The following CHST11 variants were observed in gnomAD, a reference collection of about 807,000 sequenced individuals.
CHST11 encodes the protein C4S-1.
CHST11 carries 9 observed loss-of-function variants against 30.4 expected under a neutral mutation model. The observed-to-expected ratio is 0.30, with a 90% CI of 0.18 to 0.52. The LOEUF is 0.52. Among genes scored for constraint, CHST11 ranks in the 20% least tolerant of loss-of-function variants. The pLI, the probability that CHST11 is intolerant of heterozygous loss-of-function variation, is 0.97. For missense variants in CHST11, 348 were observed against 460.6 expected (o/e 0.76, Z 2.24); for synonymous variants, 152 against 187.8 (o/e 0.81, Z 1.56).
At chr12:104,647,393 A>G (rs918372072) in intron 2 of CHST11, among the ~76,000 whole-genome samples, 3 of 152,184 alleles carry the variant, frequency 2.0e-5, no homozygotes, top group South Asian at 2.1e-4. Context: ...TTTTAGCTAT[A>G]TTTTTTTCAA....
chr12:104,558,575 GT>G (rs2038482170), intron 1 of CHST11, among the ~76,000 whole-genome samples: 1 of 100,530 alleles, frequency 9.9e-6, no homozygotes, highest in African/African-American at 4.0e-5. Context: ...TCTCACTCTT[GT>G]CCCCCAGGCT....
intron 1 of CHST11, among the ~76,000 whole-genome samples, chr12:104,592,188 T>C (rs1244495676): frequency 6.7e-6 from 1 of 149,772 alleles, no homozygotes; most frequent in Non-Finnish European, 1.5e-5. Flanking sequence ...TCCCTTCCCG[T>C]CTCTCATGCT....
At chr12:104,473,958 G>A (rs571934567) in intron 1 of CHST11, among the ~76,000 whole-genome samples, 1 of 151,660 alleles carries the variant, frequency 6.6e-6, no homozygotes, top group Admixed American at 6.6e-5. Flanking sequence ...CTACAACCAC[G>A]ACAGGGAGAA....
At chr12:104,544,249 A>G (rs952480717) in intron 1 of CHST11, among the ~76,000 whole-genome samples, 4 of 152,142 alleles carry the variant, frequency 2.6e-5, no homozygotes, top group Non-Finnish European at 5.9e-5. Flanking sequence ...CTCTAAAGAA[A>G]GTATTGGTCA....
At chr12:104,539,911 C>T (rs1015407447) in intron 1 of CHST11, among the ~76,000 whole-genome samples, 1 of 152,138 alleles carries the variant, frequency 6.6e-6, no homozygotes, top group East Asian at 1.9e-4. Context: ...TGAGCTCAAG[C>T]AGTCCTCCCA....
intron 2 of CHST11, among the ~76,000 whole-genome samples, chr12:104,617,363 C>G (rs947403783): frequency 6.6e-6 from 1 of 152,138 alleles, no homozygotes; most frequent in Non-Finnish European, 1.5e-5. Context: ...TCTCCATGCC[C>G]GCCTCTCACC....
chr12:104,605,079 C>A (rs765989416), intron 2 of CHST11, among the ~76,000 whole-genome samples: 4 of 141,702 alleles, frequency 2.8e-5, no homozygotes, highest in Non-Finnish European at 6.0e-5. Context: ...ATCCAAATTT[C>A]TTTACCTCTA....
At chr12:104,625,642 C>A in intron 2 of CHST11, among the ~76,000 whole-genome samples, 1 of 152,158 alleles carries the variant, frequency 6.6e-6, no homozygotes, top group East Asian at 1.9e-4. Context: ...GACAAACAGG[C>A]AACTCACTCA....
At chr12:104,620,959 T>G (rs2039153508) in intron 2 of CHST11, among the ~76,000 whole-genome samples, 1 of 152,220 alleles carries the variant, frequency 6.6e-6, no homozygotes, top group African/African-American at 2.4e-5. Flanking sequence ...AGATAAGTCT[T>G]TGCCAAAAAC....
rs74785852 is a variant in CHST11, at chr12:104,720,120, C to T, written c.205-36829C>T. Among the ~76,000 whole-genome samples the T allele has an allele frequency of 7.0e-3, 1,064 of 152,322 alleles. 6 individuals carry two copies. The highest frequency in any genetic ancestry group is 0.024 in the African/African-American group (1,004 of 41,568). On this transcript the variant is annotated intron_variant, in intron 2 of 2. Transcript: ENST00000303694. ...TGTCTAGTTTCGTAAACATTGCTGG[C>T]GGCATCCGGAGCCCCAAGAAGCACG...
chr12:104,500,120 C>T (rs1475848312), intron 1 of CHST11, among the ~76,000 whole-genome samples: 4 of 152,136 alleles, frequency 2.6e-5, no homozygotes. Flanking sequence ...AAGCTCAGTT[C>T]TTGGCCTCCC....
intron 2 of CHST11, among the ~76,000 whole-genome samples, chr12:104,632,380 A>G (rs2039279236): frequency 6.6e-6 from 1 of 152,190 alleles, no homozygotes; most frequent in Non-Finnish European, 1.5e-5. Context: ...GTGGTTCACA[A>G]GAGATGCGTA....
At chr12:104,576,857 G>A (rs1433789260) in intron 1 of CHST11, among the ~76,000 whole-genome samples, 5 of 152,234 alleles carry the variant, frequency 3.3e-5, no homozygotes, top group South Asian at 4.2e-4. Context: ...GGACATTCAC[G>A]TTCCTCCAAC....
intron 1 of CHST11, among the ~76,000 whole-genome samples, chr12:104,487,733 T>TC (rs1303512875): frequency 6.6e-6 from 1 of 152,020 alleles, no homozygotes; most frequent in Admixed American, 6.5e-5. Context: ...TACCTATTTT[T>TC]TTTTTTTTAA....
At chr12:104,638,280 G>A (rs756813137) in intron 2 of CHST11, among the ~76,000 whole-genome samples, 7 of 151,838 alleles carry the variant, frequency 4.6e-5, no homozygotes, top group Admixed American at 1.3e-4. Flanking sequence ...ATATTGTCTC[G>A]TAAGACTTTC....
intron 2 of CHST11, among the ~76,000 whole-genome samples, chr12:104,661,401 C>A (rs143935413): frequency 0.012 from 1,785 of 151,932 alleles, 35 homozygotes; most frequent in African/African-American, 0.033. Flanking sequence ...ACTACTACTA[C>A]TACTAATAAT....
intron 2 of CHST11, among the ~76,000 whole-genome samples, chr12:104,640,530 A>G (rs1268264839): frequency 6.6e-6 from 1 of 152,204 alleles, no homozygotes; most frequent in Non-Finnish European, 1.5e-5. Flanking sequence ...AAGTTGGCAA[A>G]TGTCTGTAAA....
rs536802134 is a variant in CHST11, at chr12:104,676,547, C to T, written c.204+74556C>T. Among the ~76,000 whole-genome samples, 6 of 152,276 alleles carry T rather than the reference C, an allele frequency of 3.9e-5. No homozygotes were observed. Among genetic ancestry groups the T allele is most frequent in the African/African-American group, 1.4e-4 (6 of 41,564 alleles). On this transcript the variant is annotated intron_variant, in intron 2 of 2. Coordinates refer to ENST00000303694, the MANE Select transcript of CHST11 (RefSeq NM_018413.6). The surrounding 1 kb of genome is among the most constrained non-coding windows in gnomAD (Gnocchi z 4.4). ...ATTCTGCCCCAGCCTCCCAAGTAGC[C>T]GGGACTGCAGACATGTGCCACCACG...
At chr12:104,487,147 T>C (rs77183584) in intron 1 of CHST11, among the ~76,000 whole-genome samples, 6,544 of 152,344 alleles carry the variant, frequency 0.043, 465 homozygotes, top group African/African-American at 0.15. Flanking sequence ...TCAAGAATTC[T>C]TGCTTGTAAT....
Sources: gnomAD v4.1 joint callset for allele counts (sites outside exome capture counted in the v4.1 genomes callset) on GRCh38, gnomAD v4.1.1 for gene constraint, Gnocchi (gnomAD v3.1) non-coding constraint, MANE v1.5 for transcripts, NCBI Gene and HGNC (gene_info 2026-07-23, HGNC 2026-07-21) for gene names.